SPATA22: variants seen among roughly 807,000 people sequenced by gnomAD.
SPATA22 encodes the protein spermatogenesis-associated protein 22.
Under a neutral mutation model 47.8 loss-of-function variants are expected in SPATA22, and 29 were observed. The ratio of observed to expected loss-of-function variants is 0.61; its 90% confidence interval spans 0.45 to 0.83. SPATA22 has a LOEUF of 0.83. Among genes scored for constraint, SPATA22 ranks in the 40% least tolerant of loss-of-function variants. The pLI is 0.00. For missense variants in SPATA22, 410 were observed against 421.7 expected, an observed-to-expected ratio of 0.97 and a Z score of 0.24; for synonymous variants, 133 against 140.9, an observed-to-expected ratio of 0.94 and a Z score of 0.40.
chr17:3,450,286 T>TC, intron 5 of SPATA22, among the ~76,000 whole-genome samples: 1 of 152,306 alleles, frequency 6.6e-6, no homozygotes, highest in East Asian at 1.9e-4. Context: ...CAGGAACAAA[T>TC]CCAAGTTTTA....
intron 5 of SPATA22, among the ~76,000 whole-genome samples, chr17:3,461,320 A>G (rs770165711): frequency 9.2e-5 from 14 of 152,352 alleles, no homozygotes; most frequent in Non-Finnish European, 1.3e-4. Flanking sequence ...GATCTTCAGC[A>G]GATTACCAAC....
intron 1 of SPATA22, among the ~76,000 whole-genome samples, chr17:3,496,792 A>C (rs62071299): frequency 0.12 from 18,857 of 152,040 alleles, 2,027 homozygotes; most frequent in East Asian, 0.59. Context: ...CCTGGCCAGG[A>C]GCGGTGGCTC....
intron 1 of SPATA22, among the ~76,000 whole-genome samples, chr17:3,493,800 C>A (rs2150758337): frequency 6.6e-6 from 1 of 152,188 alleles, no homozygotes; most frequent in South Asian, 2.1e-4. Flanking sequence ...GACCCCTAAA[C>A]CTAGATTCTT....
At chr17:3,483,442 CAA>C (rs2073667998) in intron 1 of SPATA22, 1 of 1,455,482 alleles carries the variant, frequency 6.9e-7, no homozygotes, top group Non-Finnish European at 9.7e-7. Context: ...TCTGTTGAAG[CAA>C]AGAGAACAAA....
At chr17:3,509,939 T>C (rs2074090743) in intron 1 of SPATA22, among the ~76,000 whole-genome samples, 1 of 152,216 alleles carries the variant, frequency 6.6e-6, no homozygotes, top group South Asian at 2.1e-4. Flanking sequence ...TTTTTTCATA[T>C]GTTTGTTGGC....
intron 1 of SPATA22, among the ~76,000 whole-genome samples, chr17:3,496,937 G>T (rs1230908989): frequency 6.6e-6 from 1 of 152,120 alleles, no homozygotes; most frequent in Non-Finnish European, 1.5e-5. Context: ...ATGGTGGCAG[G>T]CGCCTGTAAT....
chr17:3,498,443 G>A (rs2073944192), intron 1 of SPATA22, among the ~76,000 whole-genome samples: 1 of 152,042 alleles, frequency 6.6e-6, no homozygotes, highest in Admixed American at 6.6e-5. Flanking sequence ...ACCTCTGGGG[G>A]CTTGAGCAAT....
chr17:3,493,304 T>G (rs2073854051), intron 1 of SPATA22, among the ~76,000 whole-genome samples: 1 of 152,136 alleles, frequency 6.6e-6, no homozygotes, highest in Non-Finnish European at 1.5e-5. Context: ...GGCTCACGCC[T>G]GTAATCCCAG....
At position 3,490,911 on chromosome 17, in the gene SPATA22, A is replaced by T. The variant is rs79357842; in HGVS notation, c.-73-21513T>A. ...CCAGAGCTCTTCTGTGTAACATTTC[A>T]TTTAAGCAAAGGATTCGGCAAATCA... On this transcript the variant is annotated intron_variant, in intron 1 of 8. Transcript: ENST00000541913. The surrounding 1 kb of genome is among the most constrained non-coding windows in gnomAD (Gnocchi z 4.6). Among the ~76,000 whole-genome samples, 18 of 152,276 alleles carry T rather than the reference A, an allele frequency of 1.2e-4. No individual in the cohort carries two copies. The highest frequency in any genetic ancestry group is 2.1e-4 in the Non-Finnish European group (14 of 68,016).
chr17:3,505,132 C>A (rs184933581), intron 1 of SPATA22, among the ~76,000 whole-genome samples: 1 of 95,450 alleles, frequency 1.0e-5, no homozygotes, highest in African/African-American at 3.4e-5. Flanking sequence ...CATCTCCACA[C>A]TTCCATTAGC....
chr17:3,486,711 A>C (rs145437317), intron 1 of SPATA22, among the ~76,000 whole-genome samples: 4 of 152,340 alleles, frequency 2.6e-5, no homozygotes, highest in African/African-American at 9.6e-5. Context: ...AGCCAGGAGT[A>C]ATGTAATTTA....
chr17:3,497,042 G>C (rs2073921169), intron 1 of SPATA22, among the ~76,000 whole-genome samples: 1 of 152,166 alleles, frequency 6.6e-6, no homozygotes, highest in Non-Finnish European at 1.5e-5. Context: ...CTCCAGCCTG[G>C]ACAGAGCTGA....
intron 1 of SPATA22, among the ~76,000 whole-genome samples, chr17:3,480,352 T>C (rs2073606207): frequency 6.6e-6 from 1 of 152,266 alleles, no homozygotes; most frequent in South Asian, 2.1e-4. Flanking sequence ...ATTCAGACAC[T>C]GGAATTTTTA....
chr17:3,481,650 A>G (rs1422127446), intron 1 of SPATA22: 1 of 1,613,784 alleles, frequency 6.2e-7, no homozygotes, highest in African/African-American at 1.3e-5. Flanking sequence ...AGGGCTCAAG[A>G]AATAAATCAT....
At chr17:3,495,291 A>G (rs958515203) in intron 1 of SPATA22, among the ~76,000 whole-genome samples, 1 of 152,162 alleles carries the variant, frequency 6.6e-6, no homozygotes, top group African/African-American at 2.4e-5. Context: ...ACCTTTACCT[A>G]GAGAGCTTTT....
At chr17:3,453,193 T>C (rs1349711776) in intron 5 of SPATA22, among the ~76,000 whole-genome samples, 1 of 152,204 alleles carries the variant, frequency 6.6e-6, no homozygotes, top group African/African-American at 2.4e-5. Flanking sequence ...GTTCACTTCA[T>C]GGGTGAGGTG....
chr17:3,487,084 G>A (rs2073738079), intron 1 of SPATA22, among the ~76,000 whole-genome samples: 2 of 152,018 alleles, frequency 1.3e-5, no homozygotes, highest in Admixed American at 1.3e-4. Flanking sequence ...GTGTGTGTGT[G>A]TGATCATAAG....
Position 3,488,140 on chromosome 17 carries a change from G to A in SPATA22, c.-73-18742C>T, listed in dbSNP as rs552000032. Among the ~76,000 whole-genome samples the A allele has an allele frequency of 6.6e-6, 1 of 152,318 alleles. No individual in the cohort carries two copies. Among genetic ancestry groups the A allele is most frequent in the South Asian group, 2.1e-4 (1 of 4,832 alleles). ...AATGGGATGGAAGAGAATGAGGGTA[G>A]TGCAGTTGGGGTAAATGGTTTGCCA... On this transcript the variant is annotated intron_variant, in intron 1 of 8. Transcript: ENST00000541913. This position sits in a 1 kb window ranked among gnomAD's most constrained non-coding sequence, Gnocchi z 6.1.
At chr17:3,481,579 T>C (rs1318455812) in intron 1 of SPATA22, 4 of 1,600,944 alleles carry the variant, frequency 2.5e-6, no homozygotes, top group Non-Finnish European at 8.5e-7. Context: ...ATGTTGTTCA[T>C]CTTTTTCTTT....
Sources: allele counts gnomAD v4.1 joint callset (sites outside exome capture counted in the v4.1 genomes callset), GRCh38; gene constraint gnomAD v4.1.1; non-coding constraint Gnocchi (gnomAD v3.1); transcripts MANE v1.5; gene names NCBI Gene and HGNC (gene_info 2026-07-23, HGNC 2026-07-21).